The following ADAMTS6 variants were observed in gnomAD, a reference collection of about 807,000 sequenced individuals.
ADAMTS6 encodes ADAM metallopeptidase with thrombospondin type 1 motif 6.
In ADAMTS6, 23 loss-of-function variants were observed where a neutral mutation model predicts 144.3. The observed-to-expected ratio is 0.16, with a 90% CI of 0.11 to 0.23. ADAMTS6 has a LOEUF of 0.23. Ranked by LOEUF, ADAMTS6 falls within the 10% of genes least tolerant of loss-of-function variation. The pLI is 1.00. For synonymous variants in ADAMTS6, 444 were observed against 457.5 expected, an observed-to-expected ratio of 0.97 and a Z score of 0.38; for missense variants, 999 against 1,379.6, an observed-to-expected ratio of 0.72 and a Z score of 4.37.
At chr5:65,203,687 A>G (rs1755889578) in intron 20 of ADAMTS6, among the ~76,000 whole-genome samples, 1 of 152,216 alleles carries the variant, frequency 6.6e-6, no homozygotes, top group Non-Finnish European at 1.5e-5. Context: ...ATTTTCTTCA[A>G]CTAAAGATGG....
intron 7 of ADAMTS6, among the ~76,000 whole-genome samples, chr5:65,378,171 T>C (rs13354433): frequency 0.017 from 2,549 of 152,260 alleles, 61 homozygotes; most frequent in African/African-American, 0.059. Flanking sequence ...TTTGGGGGGA[T>C]ACAATCCAAC....
intron 24 of ADAMTS6, 62 bp from the exon 25 acceptor site, chr5:65,152,007 G>A: frequency 7.1e-7 from 1 of 1,401,380 alleles, no homozygotes; most frequent in South Asian, 1.2e-5. Flanking sequence ...ACATAAACAA[G>A]CCGATGGGCC....
intron 18 of ADAMTS6, among the ~76,000 whole-genome samples, chr5:65,218,146 A>G (rs942522544): frequency 6.6e-6 from 1 of 152,210 alleles, no homozygotes; most frequent in Non-Finnish European, 1.5e-5. Context: ...TATGTATAGG[A>G]TAAAATTACA....
chr5:65,257,232 C>T (rs1230595798), intron 14 of ADAMTS6, among the ~76,000 whole-genome samples: 6 of 151,952 alleles, frequency 3.9e-5, no homozygotes, highest in Admixed American at 3.9e-4. Flanking sequence ...GTTAAAGGTC[C>T]CCCTCTCAAG....
At chr5:65,436,532 C>T (rs1435473316) in intron 7 of ADAMTS6, among the ~76,000 whole-genome samples, 1 of 151,118 alleles carries the variant, frequency 6.6e-6, no homozygotes, top group Non-Finnish European at 1.5e-5. Context: ...AAGCTGCATT[C>T]CTTTATTTTA....
chr5:65,249,317 C>T (rs908872840), intron 14 of ADAMTS6, among the ~76,000 whole-genome samples: 1 of 151,928 alleles, frequency 6.6e-6, no homozygotes, highest in Non-Finnish European at 1.5e-5. Flanking sequence ...GGTCACTCCA[C>T]CAGAAAAAGG....
At chr5:65,448,945 G>A (rs1456769475) in intron 7 of ADAMTS6, among the ~76,000 whole-genome samples, 2 of 152,076 alleles carry the variant, frequency 1.3e-5, no homozygotes, top group Non-Finnish European at 2.9e-5. Flanking sequence ...ACAAAAATTA[G>A]CAGTATGATT....
chr5:65,442,933 G>C (rs1757978693), intron 7 of ADAMTS6, among the ~76,000 whole-genome samples: 1 of 152,116 alleles, frequency 6.6e-6, no homozygotes, highest in African/African-American at 2.4e-5. Context: ...TGCAGTGTCT[G>C]GTTTTCTGTT....
intron 3 of ADAMTS6, among the ~76,000 whole-genome samples, chr5:65,466,966 C>T (rs1363947847): frequency 1.3e-5 from 2 of 150,978 alleles, no homozygotes; most frequent in East Asian, 2.0e-4. Flanking sequence ...GGCGTGGACC[C>T]GGGAGGCGGA....
chr5:65,213,939 T>C (rs1198260168), intron 20 of ADAMTS6: 6 of 160,168 alleles, frequency 3.7e-5, no homozygotes, highest in Admixed American at 2.6e-4. Context: ...GAAGGACAGG[T>C]TTGTTTCCTT....
chr5:65,460,423 G>A (rs1245019712), intron 3 of ADAMTS6, 85 bp from the exon 4 acceptor site: 106 of 1,244,580 alleles, frequency 8.5e-5, no homozygotes, highest in Admixed American at 9.8e-5. Context: ...AAAAGTAAAT[G>A]GACACTTCTC....
At chr5:65,290,870 G>T (rs969244919) in intron 11 of ADAMTS6, among the ~76,000 whole-genome samples, 1 of 151,872 alleles carries the variant, frequency 6.6e-6, no homozygotes, top group Non-Finnish European at 1.5e-5. Flanking sequence ...CTGCTTGGTT[G>T]TGGTGCTGGA....
At chr5:65,421,512 C>T (rs967799985) in intron 7 of ADAMTS6, among the ~76,000 whole-genome samples, 1 of 152,108 alleles carries the variant, frequency 6.6e-6, no homozygotes, top group Non-Finnish European at 1.5e-5. Context: ...TTTTCCTTCA[C>T]ATTTACTTAA....
At chr5:65,399,124 G>C (rs2150160621) in intron 7 of ADAMTS6, among the ~76,000 whole-genome samples, 1 of 152,218 alleles carries the variant, frequency 6.6e-6, no homozygotes, top group Admixed American at 6.5e-5. Context: ...GGGCGCGGTG[G>C]TGGGCGCCTG....
intron 14 of ADAMTS6, among the ~76,000 whole-genome samples, chr5:65,252,778 A>T (rs906124138): frequency 6.6e-6 from 1 of 151,654 alleles, no homozygotes; most frequent in African/African-American, 2.4e-5. Context: ...CTACTATATT[A>T]CATGGGCTAT....
chr5:65,258,456 T>C (rs1435117057), intron 14 of ADAMTS6, among the ~76,000 whole-genome samples: 2 of 152,064 alleles, frequency 1.3e-5, no homozygotes, highest in South Asian at 2.1e-4. Flanking sequence ...TTGCAGGCCA[T>C]TGTAACGACT....
intron 7 of ADAMTS6, among the ~76,000 whole-genome samples, chr5:65,435,341 T>A (rs989703620): frequency 3.3e-5 from 5 of 152,152 alleles, no homozygotes; most frequent in African/African-American, 1.2e-4. Context: ...GCAGGAAAGC[T>A]TTCAACTTTA....
At position 65,234,683 on chromosome 5, in the gene ADAMTS6, T is replaced by C. The variant is rs544595123; in HGVS notation, c.1933+7421A>G. ...GGAATGTAAACTGGCAGTGCCATTA[T>C]GGAAAACAGTATGCAGCCTTCTCCA... is the stretch of plus-strand genomic sequence containing the variant. On this transcript the variant is annotated intron_variant, in intron 15 of 24. Coordinates refer to ENST00000381055, the MANE Select transcript of ADAMTS6 (RefSeq NM_197941.4). Among the ~76,000 whole-genome samples, 28 of 152,252 alleles carry C rather than the reference T, an allele frequency of 1.8e-4. 1 individual carries two copies. The highest frequency in any genetic ancestry group is 5.5e-4 in the African/African-American group (23 of 41,574).
chr5:65,260,707 T>C (rs760317665), intron 13 of ADAMTS6, 44 bp from the exon 14 acceptor site: 3 of 1,467,104 alleles, frequency 2.0e-6, no homozygotes, highest in Non-Finnish European at 2.9e-6. Flanking sequence ...AATACATCTG[T>C]CCATACAAAG....
Sources: allele counts gnomAD v4.1 joint callset (sites outside exome capture counted in the v4.1 genomes callset), GRCh38; gene constraint gnomAD v4.1.1; transcripts MANE v1.5; gene names NCBI Gene and HGNC (gene_info 2026-07-23, HGNC 2026-07-21).